Variants in RNU1-1 observed in about 807,000 individuals in gnomAD.
The protein encoded by RNU1-1 is RNA, U1A small nuclear.
At position 16,514,268 on chromosome 1, in the gene RNU1-1, C is replaced by T. The variant is rs531609336; in HGVS notation, n.18G>A. The T allele has an allele frequency of 8.3e-5, 69 of 835,842 alleles. 1 individual carries two copies. In the East Asian group the frequency reaches 1.1e-3, roughly 14 times the overall value. 51.8% of individuals were successfully genotyped at this position (835,842 alleles called of 1,614,324 possible). ...AACCACCTTCGTGATCATGGTATCT[C>T]CCCTGCCAGGTAAGTATGAAACGTT... On this transcript the variant is annotated non_coding_transcript_exon_variant, in exon 1 of 1. Coordinates refer to ENST00000383925, the Ensembl canonical transcript of RNU1-1.
chr1:16,514,187 G>T (rs1199425986), exon 1 of RNU1-1: 1 of 153,012 alleles, frequency 6.5e-6, no homozygotes. Context: ...CCACATTTGG[G>T]GAAATCGCAG....
At chr1:16,514,271 C>T (rs1570320132) in exon 1 of RNU1-1, 5 of 875,028 alleles carry the variant, frequency 5.7e-6, no homozygotes, top group African/African-American at 1.8e-5. Flanking sequence ...GGTATCTCCC[C>T]TGCCAGGTAA....
At chr1:16,514,146 C>G (rs2087492400) in exon 1 of RNU1-1, 1 of 152,324 alleles carries the variant, frequency 6.6e-6, no homozygotes, top group African/African-American at 2.4e-5. Flanking sequence ...AACGCAGTCC[C>G]CCACTACCAC....
At chr1:16,514,235 C>T (rs157254) in exon 1 of RNU1-1, 112,616 of 277,652 alleles carry the variant, frequency 0.41, 22,399 homozygotes, top group East Asian at 0.73. Context: ...TAAGCCTCGC[C>T]CTGGGAAAAC....
exon 1 of RNU1-1, chr1:16,514,203 A>T (rs551523540): frequency 6.5e-6 from 1 of 154,026 alleles, no homozygotes; most frequent in East Asian, 1.9e-4. Context: ...CGCAGGGGTC[A>T]GCACATCCGG....
chr1:16,514,269 C>T (rs550201498), exon 1 of RNU1-1: 128 of 845,408 alleles, frequency 1.5e-4, no homozygotes, highest in East Asian at 4.9e-4. Flanking sequence ...ATGGTATCTC[C>T]CCTGCCAGGT....
At chr1:16,514,147 C>T (rs1241715559) in exon 1 of RNU1-1, 1 of 152,446 alleles carries the variant, frequency 6.6e-6, no homozygotes, top group African/African-American at 2.4e-5. Context: ...ACGCAGTCCC[C>T]CACTACCACA....
chr1:16,514,273 G>T (rs1200897414), exon 1 of RNU1-1: 23 of 888,614 alleles, frequency 2.6e-5, no homozygotes, highest in African/African-American at 3.7e-5. Flanking sequence ...TATCTCCCCT[G>T]CCAGGTAAGT....
At chr1:16,514,208 A>T (rs1192938104) in exon 1 of RNU1-1, 1 of 154,538 alleles carries the variant, frequency 6.5e-6, no homozygotes, top group Non-Finnish European at 1.4e-5. Flanking sequence ...GGGTCAGCAC[A>T]TCCGGAGTGC....
At chr1:16,514,235 C>G (rs157254) in exon 1 of RNU1-1, 1 of 279,022 alleles carries the variant, frequency 3.6e-6, no homozygotes, top group Non-Finnish European at 5.3e-6. Flanking sequence ...TAAGCCTCGC[C>G]CTGGGAAAAC....
At chr1:16,514,268 C>A (rs531609336) in exon 1 of RNU1-1, 4 of 835,726 alleles carry the variant, frequency 4.8e-6, no homozygotes, top group South Asian at 1.1e-4. Flanking sequence ...CATGGTATCT[C>A]CCCTGCCAGG....
At chr1:16,514,236 C>T (rs1374204905) in exon 1 of RNU1-1, 4 of 346,094 alleles carry the variant, frequency 1.2e-5, no homozygotes, top group South Asian at 1.2e-4. Flanking sequence ...AAGCCTCGCC[C>T]TGGGAAAACC....
chr1:16,514,273 G>A (rs1200897414), exon 1 of RNU1-1: 68 of 888,724 alleles, frequency 7.7e-5, no homozygotes, highest in African/African-American at 3.1e-4. Flanking sequence ...TATCTCCCCT[G>A]CCAGGTAAGT....
At chr1:16,514,239 G>T in exon 1 of RNU1-1, 1 of 414,274 alleles carries the variant, frequency 2.4e-6, no homozygotes, top group Non-Finnish European at 3.2e-6. Flanking sequence ...CCTCGCCCTG[G>T]GAAAACCACC....
chr1:16,514,254 T>C (rs1401015913), exon 1 of RNU1-1: 14 of 651,540 alleles, frequency 2.1e-5, no homozygotes, highest in Middle Eastern at 7.5e-4. Context: ...ACCACCTTCG[T>C]GATCATGGTA....
chr1:16,514,282 G>A (rs1362101118), exon 1 of RNU1-1: 27 of 947,148 alleles, frequency 2.9e-5, no homozygotes, highest in African/African-American at 1.1e-4. Flanking sequence ...TGCCAGGTAA[G>A]TATGAAACGT....
exon 1 of RNU1-1, chr1:16,514,209 T>A (rs1475186457): frequency 1.3e-5 from 2 of 154,660 alleles, no homozygotes; most frequent in Non-Finnish European, 2.8e-5. Flanking sequence ...GGTCAGCACA[T>A]CCGGAGTGCA....
exon 1 of RNU1-1, chr1:16,514,241 A>G (rs1194038428): frequency 8.9e-6 from 4 of 451,886 alleles, no homozygotes; most frequent in African/African-American, 4.3e-5. Flanking sequence ...TCGCCCTGGG[A>G]AAACCACCTT....
At chr1:16,514,244 A>G (rs1452710303) in exon 1 of RNU1-1, 9 of 489,740 alleles carry the variant, frequency 1.8e-5, no homozygotes, top group African/African-American at 1.1e-4. Flanking sequence ...CCCTGGGAAA[A>G]CCACCTTCGT....
Sources: gnomAD v4.1 joint callset for allele counts on GRCh38, gnomAD v4.1.1 for gene constraint, MANE v1.5 for transcripts, NCBI Gene and HGNC (gene_info 2026-07-23, HGNC 2026-07-21) for gene names.